The following SEMA6D variants were observed in gnomAD, a reference collection of about 807,000 sequenced individuals.
SEMA6D encodes semaphorin 6D.
SEMA6D carries 35 observed loss-of-function variants against 106.6 expected under a neutral mutation model. The observed-to-expected ratio is 0.33, with a 90% CI of 0.25 to 0.44. The LOEUF (loss-of-function observed/expected upper bound fraction) is 0.44. SEMA6D is among the 20% of genes least tolerant of loss of function. The pLI is 1.00. For synonymous variants in SEMA6D, 499 were observed against 487.7 expected (o/e 1.02, Z -0.31); for missense variants, 1,185 against 1,345.9 (o/e 0.88, Z 1.87).
At chr15:47,681,560 A>G (rs746178051) in intron 4 of SEMA6D, among the ~76,000 whole-genome samples, 1 of 152,220 alleles carries the variant, frequency 6.6e-6, no homozygotes, top group Non-Finnish European at 1.5e-5. Context: ...ATACTGTACT[A>G]TACACTTTAA....
chr15:47,348,673 TCACACACACACACACA>T (rs71118173), intron 1 of SEMA6D, among the ~76,000 whole-genome samples: 3 of 105,056 alleles, frequency 2.9e-5, no homozygotes, highest in South Asian at 3.2e-4. Context: ...CAAGAGTACA[TCACACACACACACACA>T]CACACACACA....
chr15:47,505,111 C>G (rs2043997561), intron 3 of SEMA6D, among the ~76,000 whole-genome samples: 1 of 152,018 alleles, frequency 6.6e-6, no homozygotes, highest in Non-Finnish European at 1.5e-5. Flanking sequence ...ATCAGGCCTT[C>G]CGGAAGTTAG....
chr15:47,315,257 A>C (rs1225295084), intron 1 of SEMA6D, among the ~76,000 whole-genome samples: 1 of 151,996 alleles, frequency 6.6e-6, no homozygotes, highest in East Asian at 1.9e-4. Flanking sequence ...TTGCATTTTG[A>C]GTTAATTCTT....
intron 3 of SEMA6D, among the ~76,000 whole-genome samples, chr15:47,483,664 G>A: frequency 6.6e-6 from 1 of 152,068 alleles, no homozygotes. Flanking sequence ...CTACTCTCTG[G>A]AATGAGAGAA....
chr15:47,402,480 T>A (rs2040429640), intron 1 of SEMA6D, among the ~76,000 whole-genome samples: 1 of 152,162 alleles, frequency 6.6e-6, no homozygotes, highest in African/African-American at 2.4e-5. Context: ...CAACAGTGAT[T>A]TATGTAATAG....
intron 1 of SEMA6D, among the ~76,000 whole-genome samples, chr15:47,200,750 C>G (rs1018699074): frequency 2.6e-5 from 4 of 152,050 alleles, no homozygotes; most frequent in African/African-American, 9.7e-5. Context: ...AAAAATTGCC[C>G]TACAAACATC....
intron 3 of SEMA6D, among the ~76,000 whole-genome samples, chr15:47,526,930 G>T (rs2044778875): frequency 6.6e-6 from 1 of 151,988 alleles, no homozygotes; most frequent in Non-Finnish European, 1.5e-5. Context: ...GTAGAGATGG[G>T]GTTTCACTAT....
intron 1 of SEMA6D, among the ~76,000 whole-genome samples, chr15:47,406,363 TC>T (rs1369553965): frequency 3.3e-5 from 5 of 152,132 alleles, no homozygotes; most frequent in African/African-American, 1.2e-4. Flanking sequence ...AAGATACTTA[TC>T]CCCACTGAGA....
intron 4 of SEMA6D, among the ~76,000 whole-genome samples, chr15:47,618,300 C>T (rs1244560468): frequency 2.6e-5 from 4 of 152,154 alleles, no homozygotes; most frequent in Admixed American, 6.5e-5. Context: ...CCATACAATC[C>T]GAGGAGGTTT....
chr15:47,402,785 C>G (rs1302966069), intron 1 of SEMA6D, among the ~76,000 whole-genome samples: 1 of 132,152 alleles, frequency 7.6e-6, no homozygotes, highest in Non-Finnish European at 1.6e-5. Flanking sequence ...ATCTTTATTT[C>G]CCTAGGACTT....
At chr15:47,197,315 A>G (rs574120715) in intron 1 of SEMA6D, among the ~76,000 whole-genome samples, 7 of 152,302 alleles carry the variant, frequency 4.6e-5, no homozygotes, top group African/African-American at 1.7e-4. Flanking sequence ...CTGTGTGCCA[A>G]CACTTTTAAG....
intron 3 of SEMA6D, among the ~76,000 whole-genome samples, chr15:47,554,861 A>G (rs1194248952): frequency 6.6e-6 from 1 of 152,188 alleles, no homozygotes; most frequent in Non-Finnish European, 1.5e-5. Flanking sequence ...CAGGGGGATT[A>G]TGGTGATCTC....
chr15:47,471,498 A>G (rs1257783088), intron 3 of SEMA6D, among the ~76,000 whole-genome samples: 1 of 152,064 alleles, frequency 6.6e-6, no homozygotes, highest in Non-Finnish European at 1.5e-5. Flanking sequence ...TTTTCTTGAT[A>G]TTTTCAGCCT....
chr15:47,625,697 T>A (rs962544034), intron 4 of SEMA6D, among the ~76,000 whole-genome samples: 6 of 150,032 alleles, frequency 4.0e-5, no homozygotes, highest in Non-Finnish European at 8.9e-5. Context: ...CTCAAAAATA[T>A]TAATAATAAT....
At chr15:47,511,889 C>A (rs1354173394) in intron 3 of SEMA6D, among the ~76,000 whole-genome samples, 1 of 152,086 alleles carries the variant, frequency 6.6e-6, no homozygotes. Flanking sequence ...TGCACTGCAT[C>A]GTTTAGGATT....
chr15:47,594,271 C>T (rs1268832430), intron 3 of SEMA6D, among the ~76,000 whole-genome samples: 2 of 152,142 alleles, frequency 1.3e-5, no homozygotes, highest in Non-Finnish European at 2.9e-5. Flanking sequence ...TTGCCCTGGT[C>T]CCAGGTTTGG....
At position 47,553,194 on chromosome 15, in the gene SEMA6D, G is replaced by A. The variant is rs141254188; in HGVS notation, c.-86-47671G>A. On this transcript the variant is annotated intron_variant, in intron 3 of 19. Coordinates refer to the SEMA6D transcript ENST00000558014. ...GCTGGGATTACAGGCATGAGCCACCGCGCCCAGCCAACCTGTTTCAATTTT... is the reference window on the plus strand; with the variant it reads ...GCTGGGATTACAGGCATGAGCCACCACGCCCAGCCAACCTGTTTCAATTTT... Among the ~76,000 whole-genome samples, 862 of 151,662 alleles carry A rather than the reference G, an allele frequency of 5.7e-3. 7 individuals carry two copies. The highest frequency in any genetic ancestry group is 0.02 in the African/African-American group (820 of 41,382).
chr15:47,242,265 C>A (rs553388207), intron 1 of SEMA6D, among the ~76,000 whole-genome samples: 1 of 152,040 alleles, frequency 6.6e-6, no homozygotes, highest in Non-Finnish European at 1.5e-5. Context: ...GCAAAAATCA[C>A]TATTACTTTT....
chr15:47,625,841 G>T (rs2077192684), intron 4 of SEMA6D, among the ~76,000 whole-genome samples: 1 of 152,126 alleles, frequency 6.6e-6, no homozygotes, highest in East Asian at 1.9e-4. Context: ...TTAAAAGGGT[G>T]TGATAAAATA....
Sources: allele counts gnomAD v4.1 joint callset (sites outside exome capture counted in the v4.1 genomes callset), GRCh38; gene constraint gnomAD v4.1.1; transcripts MANE v1.5; gene names NCBI Gene and HGNC (gene_info 2026-07-23, HGNC 2026-07-21).